PYROXD2: variants seen among roughly 807,000 people sequenced by gnomAD.
The protein encoded by PYROXD2 is pyridine nucleotide-disulfide oxidoreductase domain-containing protein 2.
A neutral mutation model predicts 71.1 loss-of-function variants in PYROXD2; 69 were observed. The ratio of observed to expected loss-of-function variants is 0.97; its 90% confidence interval spans 0.80 to 1.19. The LOEUF is 1.19. Ranked by LOEUF, PYROXD2 falls within the 50% of genes most tolerant of loss-of-function variation. PYROXD2 has a pLI of 0.00. For synonymous variants in PYROXD2, 287 were observed against 302.7 expected, an observed-to-expected ratio of 0.95 and a Z score of 0.54; for missense variants, 745 against 748.9, an observed-to-expected ratio of 0.99 and a Z score of 0.06.
intron 2 of PYROXD2, among the ~76,000 whole-genome samples, chr10:98,409,265 T>C (rs1843709937): frequency 7.0e-6 from 1 of 143,390 alleles, no homozygotes; most frequent in African/African-American, 2.5e-5. Flanking sequence ...GACTGCTACT[T>C]CTTTATCAAT....
intron 12 of PYROXD2, among the ~76,000 whole-genome samples, chr10:98,389,019 T>G (rs1389708851): frequency 6.6e-6 from 1 of 151,988 alleles, no homozygotes; most frequent in Non-Finnish European, 1.5e-5. Context: ...TGGAGCATGT[T>G]CTCCCTCTGA....
chr10:98,388,393 C>A lies in PYROXD2; in HGVS notation c.1408G>T (p.Ala470Ser), dbSNP rs1842829723. Residue 470 changes from alanine (A) to serine (S), a missense_variant, in exon 13 of 16, where the codon GCC becomes TCC. Coordinates refer to ENST00000370575, the MANE Select transcript of PYROXD2 (RefSeq NM_032709.3). ...YMPYTLAGGKAWDEQERDAYA... is the reference protein window; with the variant it reads ...YMPYTLAGGKSWDEQERDAYA... ...GCGTCTCTCTCCTGCTCGTCCCAGG[C>A]CTTGCCTCCAGCCAGCGTATAGGGC... 1 of 1,613,656 alleles carries A rather than the reference C, an allele frequency of 6.2e-7. No homozygotes were observed. The highest frequency in any genetic ancestry group is 1.3e-5 in the African/African-American group (1 of 74,808).
chr10:98,391,123 G>T, intron 10 of PYROXD2, 41 bp from the exon 11 acceptor site: 1 of 1,291,276 alleles, frequency 7.7e-7, no homozygotes, highest in South Asian at 1.2e-5. Context: ...AGATGTCCAA[G>T]GCCCCAAGGA....
At chr10:98,409,855 G>T (rs144659885) in intron 2 of PYROXD2, among the ~76,000 whole-genome samples, 2,124 of 152,192 alleles carry the variant, frequency 0.014, 34 homozygotes, top group Middle Eastern at 0.034. Context: ...AGGCAGGCGG[G>T]TCACCTGAGA....
intron 1 of PYROXD2, among the ~76,000 whole-genome samples, chr10:98,413,783 C>T (rs1406116929): frequency 1.3e-5 from 2 of 151,846 alleles, no homozygotes; most frequent in Non-Finnish European, 2.9e-5. Flanking sequence ...GGACATAAAT[C>T]TTTGTTGTTT....
chr10:98,387,421 T>C, intron 13 of PYROXD2, 114 bp from the exon 14 acceptor site: 1 of 671,722 alleles, frequency 1.5e-6, no homozygotes, highest in Non-Finnish European at 2.6e-6. Context: ...GAAATGGGCT[T>C]ATTTTATCAT....
intron 1 of PYROXD2, chr10:98,411,569 G>T (rs1435842408): frequency 6.6e-6 from 1 of 151,920 alleles, no homozygotes; most frequent in African/African-American, 2.4e-5. Context: ...AACATGCACA[G>T]CTTCAACATG....
Position 98,391,731 on chromosome 10 carries a change from T to C in PYROXD2, c.1063-649A>G, listed in dbSNP as rs536140432. Among the ~76,000 whole-genome samples the C allele has an allele frequency of 2.0e-5, 3 of 152,366 alleles. No individual in the cohort carries two copies. The East Asian group carries it at 5.8e-4, about 29-fold the overall frequency. ...TCAAACCATGTGATGCTTGCATGCA[T>C]GCTTGAGCTTGCCTGCTTTTGCCCT... is the stretch of plus-strand genomic sequence containing the variant. On this transcript the variant is annotated intron_variant, in intron 10 of 15. Coordinates refer to ENST00000370575, the MANE Select transcript of PYROXD2 (RefSeq NM_032709.3).
chr10:98,404,781 G>A (rs1466883135), intron 4 of PYROXD2, among the ~76,000 whole-genome samples: 2 of 152,098 alleles, frequency 1.3e-5, no homozygotes, highest in Non-Finnish European at 2.9e-5. Context: ...AGAATGACCT[G>A]AGAATGCCAT....
At position 98,397,425 on chromosome 10, in the gene PYROXD2, A is replaced by C. The variant is rs768433990; in HGVS notation, c.545T>G (p.Val182Gly). The C allele has an allele frequency of 6.2e-7, 1 of 1,613,556 alleles. No homozygotes were observed. The highest frequency in any genetic ancestry group is 1.1e-5 in the South Asian group (1 of 90,980). ...AIDPLLDAAP[V>G]DMAAFQHGSL... ...GCCATGCTGGAAGGCCGCCATGTCC[A>C]CGGGGGCCGCATCCAGCAGAGGGTC... The change falls in exon 6 of 16, where the codon GTG (valine) becomes GGG (glycine). Residue 182 changes from valine (V) to glycine (G), a missense_variant. Val to Gly is a moderately radical substitution (Grantham distance 109). Transcript: ENST00000370575.
intron 2 of PYROXD2, chr10:98,410,581 C>A (rs1843750584): frequency 6.7e-6 from 2 of 298,564 alleles, no homozygotes; most frequent in Non-Finnish European, 1.2e-5. Context: ...GGCCCCCACC[C>A]CGCCCCAGGT....
At chr10:98,394,316 G>T (rs1200254215) in intron 8 of PYROXD2, among the ~76,000 whole-genome samples, 2 of 152,180 alleles carry the variant, frequency 1.3e-5, no homozygotes, top group African/African-American at 4.8e-5. Context: ...GATCCAGATT[G>T]GCTGGTAGAT....
chr10:98,401,776 T>C (rs1843420030), intron 4 of PYROXD2, among the ~76,000 whole-genome samples: 1 of 152,192 alleles, frequency 6.6e-6, no homozygotes, highest in Non-Finnish European at 1.5e-5. Context: ...CTTCCACCTC[T>C]ACATCCTGCC....
At chr10:98,398,928 G>A (rs1046619691) in intron 5 of PYROXD2, among the ~76,000 whole-genome samples, 1 of 152,084 alleles carries the variant, frequency 6.6e-6, no homozygotes, top group Non-Finnish European at 1.5e-5. Flanking sequence ...TTGAGCTCAA[G>A]AGTTCCAGAC....
At chr10:98,399,300 T>C (rs1453900698) in intron 5 of PYROXD2, among the ~76,000 whole-genome samples, 1 of 152,196 alleles carries the variant, frequency 6.6e-6, no homozygotes, top group East Asian at 1.9e-4. Flanking sequence ...ACAAAAGCAA[T>C]GTACATGGGT....
At chr10:98,396,809 C>T (rs1843201295) in intron 6 of PYROXD2, among the ~76,000 whole-genome samples, 1 of 152,190 alleles carries the variant, frequency 6.6e-6, no homozygotes, top group Non-Finnish European at 1.5e-5. Context: ...GGCACCAGGG[C>T]AGGGCACTCA....
At chr10:98,401,456 A>T (rs1208867978) in intron 4 of PYROXD2, among the ~76,000 whole-genome samples, 2 of 152,074 alleles carry the variant, frequency 1.3e-5, no homozygotes, top group Admixed American at 6.5e-5. Flanking sequence ...AATATAGTAC[A>T]CGTAGGCTAC....
intron 5 of PYROXD2, among the ~76,000 whole-genome samples, chr10:98,397,759 G>A (rs1319850096): frequency 2.6e-5 from 4 of 152,168 alleles, no homozygotes; most frequent in Non-Finnish European, 5.9e-5. Context: ...ACAGGGACAA[G>A]GAGCTAATGC....
rs762767319 is a variant in PYROXD2 at position 98,397,332 on chromosome 10, C to A, written c.625+13G>T. 1.3e-6 allele frequency: 2 copies of A among 1,581,928 alleles called. No homozygotes were observed. Among genetic ancestry groups the A allele is most frequent in the East Asian group, 2.3e-5 (1 of 43,762 alleles). ...GTCACTCATCATGCCCTGGTGCCTG[C>A]ACTTGGACTTACCTGCCTTCAGCAG... On this transcript the variant is annotated intron_variant, in intron 6 of 15. Transcript: ENST00000370575.
Sources: gnomAD v4.1 joint callset for allele counts (sites outside exome capture counted in the v4.1 genomes callset) on GRCh38, gnomAD v4.1.1 for gene constraint, MANE v1.5 for transcripts, NCBI Gene and HGNC (gene_info 2026-07-23, HGNC 2026-07-21) for gene names.